Variants in BBS9 observed in about 807,000 individuals in gnomAD.
BBS9 encodes the protein protein PTHB1.
Under a neutral mutation model 117.7 loss-of-function variants are expected in BBS9, and 89 were observed. That is an observed-to-expected ratio of 0.76 (90% CI 0.64 to 0.90). BBS9 has a LOEUF of 0.90. Among genes scored for constraint, BBS9 ranks in the 40% least tolerant of loss-of-function variants. BBS9 has a pLI of 0.00. For synonymous variants in BBS9, 379 were observed against 370.9 expected (o/e 1.02, Z -0.25); for missense variants, 982 against 1,042.2 (o/e 0.94, Z 0.80).
chr7:33,570,051 G>T (rs73321040), intron 21 of BBS9, among the ~76,000 whole-genome samples: 2,963 of 152,246 alleles, frequency 0.019, 95 homozygotes, highest in African/African-American at 0.067. Flanking sequence ...TGTAAGCACT[G>T]TCCCATATGA....
intron 19 of BBS9, among the ~76,000 whole-genome samples, chr7:33,470,863 G>A (rs905313739): frequency 1.3e-5 from 2 of 152,156 alleles, no homozygotes; most frequent in Non-Finnish European, 2.9e-5. Flanking sequence ...GTGTCCTGGG[G>A]TTAGAGGATA....
chr7:33,620,589 G>GA (rs1395005165), intron 21 of BBS9, among the ~76,000 whole-genome samples: 1 of 151,720 alleles, frequency 6.6e-6, no homozygotes, highest in Non-Finnish European at 1.5e-5. Context: ...GAAAAAAAAG[G>GA]AAAAAAACAC....
rs1000673837 is a variant in BBS9, at chr7:33,379,518, T to A, written c.1790-4148T>A. On this transcript the variant is annotated intron_variant, in intron 17 of 22. Coordinates refer to ENST00000242067, the MANE Select transcript of BBS9 (RefSeq NM_198428.3). The stretch of plus-strand genomic sequence containing the variant: ...AGAATCCTTCTAGAAACTGAATGAA[T>A]TGAATTTTCTTTGAAAAATTAGCAC... Among the ~76,000 whole-genome samples, 6 of 152,306 alleles carry A rather than the reference T, an allele frequency of 3.9e-5. No homozygotes were observed. In the East Asian group the frequency reaches 1.2e-3, roughly 29 times the overall value.
At position 33,383,821 on chromosome 7, in the gene BBS9, A is replaced by C; in HGVS notation, c.1945A>C (p.Ile649Leu). Residue 649 changes from isoleucine (I) to leucine (L), a missense_variant, in exon 18 of 23, where the codon ATT (isoleucine) becomes CTT (leucine). Ile to Leu is a conservative substitution (Grantham distance 5). Transcript: ENST00000242067. ...ACCCCTTCAAGAATATTTTGAGTTGATTGATCATCATTTTGAGGTATGTAT... is the reference window on the plus strand; with the variant it reads ...ACCCCTTCAAGAATATTTTGAGTTGCTTGATCATCATTTTGAGGTATGTAT... ...SIPLQEYFEL[I>L]DHHFELRING... The C allele has an allele frequency of 6.2e-7, 1 of 1,612,064 alleles. No homozygotes were observed. Among genetic ancestry groups the C allele is most frequent in the Non-Finnish European group, 8.5e-7 (1 of 1,179,804 alleles).
chr7:33,324,909 T>G (rs1348888262), intron 9 of BBS9, among the ~76,000 whole-genome samples: 1 of 152,226 alleles, frequency 6.6e-6, no homozygotes, highest in Non-Finnish European at 1.5e-5. Context: ...GGATCCTTTC[T>G]TTATCCTTGC....
chr7:33,320,313 G>A (rs1811425310), intron 9 of BBS9, among the ~76,000 whole-genome samples: 1 of 151,868 alleles, frequency 6.6e-6, no homozygotes, highest in South Asian at 2.1e-4. Context: ...TTAATTTTTA[G>A]CACCCACAAA....
intron 9 of BBS9, among the ~76,000 whole-genome samples, chr7:33,276,285 C>T (rs914554007): frequency 6.6e-6 from 1 of 152,144 alleles, no homozygotes; most frequent in Admixed American, 6.5e-5. Flanking sequence ...TCTGCCCTCA[C>T]CACAATTGTA....
Position 33,469,241 on chromosome 7 carries a change from A to G in BBS9, c.2116-36222A>G, listed in dbSNP as rs1456594693. ...TGAGTAGTATATCTGTACCAAGTGC[A>G]ATGAGATAAAAGATTGTCCATGTCT... On this transcript the variant is annotated intron_variant, in intron 19 of 22. Coordinates refer to ENST00000242067, the MANE Select transcript of BBS9 (RefSeq NM_198428.3). 3.3e-5 allele frequency among the ~76,000 whole-genome samples: 5 copies of G among 152,286 alleles called. No individual in the cohort carries two copies. In the East Asian group the frequency reaches 9.7e-4, roughly 29 times the overall value.
chr7:33,181,576 T>G (rs1261550236), intron 5 of BBS9, among the ~76,000 whole-genome samples: 5 of 152,192 alleles, frequency 3.3e-5, no homozygotes, highest in Non-Finnish European at 5.9e-5. Context: ...ATATAACCCT[T>G]TACACCTTTT....
chr7:33,229,283 TC>T (rs1319211603), intron 5 of BBS9, among the ~76,000 whole-genome samples: 1 of 152,144 alleles, frequency 6.6e-6, no homozygotes, highest in African/African-American at 2.4e-5. Context: ...ACATTAGTTC[TC>T]TAGACCTGTT....
intron 19 of BBS9, among the ~76,000 whole-genome samples, chr7:33,457,829 A>G (rs1170889293): frequency 6.6e-6 from 1 of 152,140 alleles, no homozygotes. Flanking sequence ...TTTTAATTTA[A>G]CCACTTTTAG....
At chr7:33,205,045 A>G (rs562997304) in intron 5 of BBS9, among the ~76,000 whole-genome samples, 37 of 152,334 alleles carry the variant, frequency 2.4e-4, no homozygotes, top group Non-Finnish European at 5.0e-4. Context: ...AGGCAGCCCA[A>G]TGAATCCCTT....
downstream of BBS9, among the ~76,000 whole-genome samples, chr7:33,610,879 G>T (rs775001664): frequency 6.6e-6 from 1 of 152,124 alleles, no homozygotes; most frequent in Admixed American, 6.5e-5. Context: ...TTCTCTGTTC[G>T]CTGTCTTGGT....
intron 21 of BBS9, among the ~76,000 whole-genome samples, chr7:33,566,675 T>G (rs1563371691): frequency 6.6e-6 from 1 of 152,156 alleles, no homozygotes; most frequent in Non-Finnish European, 1.5e-5. Context: ...TTTTATTTTT[T>G]TAACAAGGTG....
chr7:33,449,724 C>T (rs1837509541), intron 19 of BBS9, among the ~76,000 whole-genome samples: 1 of 152,072 alleles, frequency 6.6e-6, no homozygotes, highest in South Asian at 2.1e-4. Flanking sequence ...ATGAAATAAA[C>T]GAACTCAACC....
rs190196607 is a variant in BBS9 at position 33,447,432 on chromosome 7, T to G, written c.2116-58031T>G. 5.3e-5 allele frequency among the ~76,000 whole-genome samples: 8 copies of G among 152,344 alleles called. No homozygotes were observed. In the East Asian group the frequency reaches 1.5e-3, roughly 29 times the overall value. On this transcript the variant is annotated intron_variant, in intron 19 of 22. Coordinates refer to ENST00000242067, the MANE Select transcript of BBS9 (RefSeq NM_198428.3). ...TAATACATTAAGTAATAACAAATAATCAGCCTTTTTAGGAGTCATGGCTTC... is the reference window on the plus strand; with the variant it reads ...TAATACATTAAGTAATAACAAATAAGCAGCCTTTTTAGGAGTCATGGCTTC...
intron 19 of BBS9, among the ~76,000 whole-genome samples, chr7:33,498,988 G>A (rs547068754): frequency 1.3e-3 from 192 of 152,254 alleles, no homozygotes; most frequent in Non-Finnish European, 1.7e-3. Flanking sequence ...AGCAATGTAC[G>A]TGGGTTCCAA....
At chr7:33,400,363 A>T (rs1246838754) in intron 19 of BBS9, among the ~76,000 whole-genome samples, 1 of 152,196 alleles carries the variant, frequency 6.6e-6, no homozygotes, top group African/African-American at 2.4e-5. Context: ...AGAAAAATAC[A>T]TAAGTGGCCT....
intron 5 of BBS9, among the ~76,000 whole-genome samples, chr7:33,243,477 G>A (rs955270455): frequency 1.3e-5 from 2 of 152,156 alleles, no homozygotes; most frequent in Non-Finnish European, 2.9e-5. Flanking sequence ...GATTTTTAAT[G>A]GGATCGTACT....
Sources: allele counts gnomAD v4.1 joint callset (sites outside exome capture counted in the v4.1 genomes callset), GRCh38; gene constraint gnomAD v4.1.1; transcripts MANE v1.5; gene names NCBI Gene and HGNC (gene_info 2026-07-23, HGNC 2026-07-21).